POLR3F: variants seen among roughly 807,000 people sequenced by gnomAD.
The protein encoded by POLR3F is RNA polymerase III subunit F, also known as DNA-directed RNA polymerase III subunit RPC6.
Under a neutral mutation model 43.6 loss-of-function variants are expected in POLR3F, and 31 were observed. The ratio of observed to expected loss-of-function variants is 0.71; its 90% CI spans 0.53 to 0.96. POLR3F has a LOEUF of 0.96. Ranked by LOEUF, POLR3F falls within the 40% of genes least tolerant of loss-of-function variation. The pLI is 0.00. For synonymous variants in POLR3F, 114 were observed against 132.5 expected (o/e 0.86, Z 0.96); for missense variants, 316 against 391.7 (o/e 0.81, Z 1.63).
Position 18,483,662 on chromosome 20 carries a change from C to A in POLR3F, c.*104C>A. 1.9e-6 allele frequency: 1 copy of A among 515,868 alleles called. No individual in the cohort carries two copies. The highest frequency in any genetic ancestry group is 3.5e-6 in the Non-Finnish European group (1 of 288,700). 32.0% of individuals were successfully genotyped at this position (515,868 alleles called of 1,614,324 possible). ...GAAATCTCCTTGAAAGCAAACTTCA[C>A]AATAATGGACGTAGACTTGCTGCTA... is the stretch of plus-strand genomic sequence containing the variant. On this transcript the variant is annotated 3_prime_UTR_variant, in exon 9 of 9. Coordinates refer to ENST00000377603, the MANE Select transcript of POLR3F (RefSeq NM_006466.4).
At chr20:18,475,662 G>T (rs1301310983) in intron 5 of POLR3F, among the ~76,000 whole-genome samples, 1 of 152,060 alleles carries the variant, frequency 6.6e-6, no homozygotes, top group African/African-American at 2.4e-5. Flanking sequence ...GGCTCCCTCG[G>T]GGACATCTGC....
rs1417539215 is a variant in POLR3F at position 18,484,378 on chromosome 20, A to G, written c.*820A>G. On this transcript the variant is annotated 3_prime_UTR_variant, in exon 9 of 9. Transcript: ENST00000377603. ...GTGCCCCCAGAATTCTAATGTTGAA[A>G]TCTCATTTCCAATGTGATGGTATTT... is the stretch of plus-strand genomic sequence containing the variant. 1 of 366,308 alleles carries G rather than the reference A, an allele frequency of 2.7e-6. No homozygotes were observed. Among genetic ancestry groups the G allele is most frequent in the Non-Finnish European group, 4.9e-6 (1 of 206,124 alleles). 22.7% of individuals were successfully genotyped at this position (366,308 alleles called of 1,614,324 possible). A position where few individuals can be genotyped will look rare whatever the true frequency, so the allele number is the denominator to read the frequency against.
At chr20:18,468,683 C>A (rs898287725) in intron 1 of POLR3F, among the ~76,000 whole-genome samples, 3 of 152,066 alleles carry the variant, frequency 2.0e-5, no homozygotes, top group African/African-American at 7.2e-5. Context: ...TCTGTGATTT[C>A]ATTAGACTTT....
chr20:18,480,102 CCTGG>C lies in POLR3F; in HGVS notation c.495_498del (p.Trp166ThrfsTer11). 6.2e-7 allele frequency: 1 copy of C among 1,611,492 alleles called. No individual in the cohort carries two copies. Among genetic ancestry groups the C allele is most frequent in the Non-Finnish European group, 8.5e-7 (1 of 1,177,848 alleles). ...CCAGACCGGTCTGTGACTGGTGGAG[CCTGG>C]TACAGTGACCAGGATTTTGAATCTG... On this transcript the variant is annotated frameshift_variant, in exon 6 of 9. Transcript: ENST00000377603. LOFTEE classifies it high-confidence loss of function.
intron 5 of POLR3F, among the ~76,000 whole-genome samples, chr20:18,479,368 G>T (rs185472098): frequency 3.3e-5 from 5 of 152,100 alleles, no homozygotes; most frequent in African/African-American, 4.8e-5. Context: ...GGTGGCACAT[G>T]CCTGTAGCCC....
intron 5 of POLR3F, among the ~76,000 whole-genome samples, chr20:18,476,185 A>G (rs949949540): frequency 6.6e-6 from 1 of 152,206 alleles, no homozygotes; most frequent in African/African-American, 2.4e-5. Flanking sequence ...GAGTTGTGCA[A>G]CCATCACCGC....
chr20:18,477,790 T>A (rs2059788588), intron 5 of POLR3F, among the ~76,000 whole-genome samples: 1 of 152,126 alleles, frequency 6.6e-6, no homozygotes, highest in Non-Finnish European at 1.5e-5. Context: ...GAAAGTTGAA[T>A]AGGTGAAGCA....
intron 1 of POLR3F, among the ~76,000 whole-genome samples, chr20:18,468,311 G>T (rs1277217381): frequency 2.0e-5 from 3 of 152,104 alleles, no homozygotes; most frequent in Non-Finnish European, 2.9e-5. Context: ...TCCTGACCTC[G>T]TGATCCGCCC....
chr20:18,473,577 G>T (rs1053207618), intron 4 of POLR3F, 119 bp downstream of exon 4: 14 of 498,302 alleles, frequency 2.8e-5, no homozygotes, highest in Non-Finnish European at 5.3e-5. Context: ...GAAGGTAATA[G>T]AACATACAAA....
chr20:18,478,783 A>T (rs1265756953), intron 5 of POLR3F, among the ~76,000 whole-genome samples: 1 of 152,216 alleles, frequency 6.6e-6, no homozygotes, highest in Non-Finnish European at 1.5e-5. Flanking sequence ...TGACATCCCG[A>T]TGGCAATGAA....
intron 5 of POLR3F, among the ~76,000 whole-genome samples, chr20:18,478,344 T>C (rs1225945683): frequency 1.3e-5 from 2 of 152,064 alleles, no homozygotes; most frequent in African/African-American, 2.4e-5. Context: ...GCCTTCCAAG[T>C]AGCTGGGACT....
chr20:18,479,513 G>A (rs1601259389), intron 5 of POLR3F, among the ~76,000 whole-genome samples: 1 of 151,980 alleles, frequency 6.6e-6, no homozygotes, highest in East Asian at 1.9e-4. Context: ...AAAAAAAAGT[G>A]CTAAAATACA....
intron 2 of POLR3F, among the ~76,000 whole-genome samples, chr20:18,471,949 A>G (rs2059754968): frequency 6.6e-6 from 1 of 152,164 alleles, no homozygotes; most frequent in Non-Finnish European, 1.5e-5. Flanking sequence ...GCCACGGCAC[A>G]CCAGCCTGGG....
chr20:18,472,031 C>T (rs968206107), intron 2 of POLR3F, among the ~76,000 whole-genome samples: 1 of 152,158 alleles, frequency 6.6e-6, no homozygotes, highest in Non-Finnish European at 1.5e-5. Flanking sequence ...TCAACTGTGG[C>T]TTTCTAGTAC....
intron 4 of POLR3F, among the ~76,000 whole-genome samples, chr20:18,474,029 T>C (rs1262734921): frequency 6.6e-6 from 1 of 152,104 alleles, no homozygotes; most frequent in African/African-American, 2.4e-5. Flanking sequence ...AAAATTGAGA[T>C]GTAATCTGAA....
chr20:18,473,964 G>T (rs1366882537), intron 4 of POLR3F, among the ~76,000 whole-genome samples: 1 of 152,008 alleles, frequency 6.6e-6, no homozygotes, highest in East Asian at 1.9e-4. Flanking sequence ...TATCTAAATT[G>T]CAATCCTAAG....
At chr20:18,469,876 T>C (rs1025156965) in intron 2 of POLR3F, among the ~76,000 whole-genome samples, 20 of 152,162 alleles carry the variant, frequency 1.3e-4, no homozygotes, top group African/African-American at 4.8e-4. Context: ...GATTTTCCTA[T>C]GAGTTGTCAC....
At chr20:18,473,273 CT>C (rs1278693661) in intron 3 of POLR3F, 117 bp from the exon 4 acceptor site, 2 of 528,362 alleles carry the variant, frequency 3.8e-6, no homozygotes, top group East Asian at 5.8e-5. Context: ...GTAAGCCTTT[CT>C]TTTGGTAAAT....
rs1260466149 is a variant in POLR3F, at chr20:18,472,142, A to G, written c.181-700A>G. Among the ~76,000 whole-genome samples, 3 of 152,236 alleles carry G rather than the reference A, an allele frequency of 2.0e-5. No individual in the cohort carries two copies. In the East Asian group the frequency reaches 5.8e-4, roughly 29 times the overall value. ...TACTTTATTTTACTTTTGATTTGCT[A>G]TATAAAAACAATACTACTCTAGTCC... On this transcript the variant is annotated intron_variant, in intron 2 of 8. Coordinates refer to ENST00000377603, the MANE Select transcript of POLR3F (RefSeq NM_006466.4).
Sources: allele counts gnomAD v4.1 joint callset (sites outside exome capture counted in the v4.1 genomes callset), GRCh38; gene constraint gnomAD v4.1.1; transcripts MANE v1.5; gene names NCBI Gene and HGNC (gene_info 2026-07-23, HGNC 2026-07-21).